AGFG1: variants seen among roughly 807,000 people sequenced by gnomAD.
AGFG1 encodes the protein arf-GAP domain and FG repeat-containing protein 1.
A neutral mutation model predicts 60.6 loss-of-function variants in AGFG1; 10 were observed. The ratio of observed to expected loss-of-function variants is 0.16; its 90% CI spans 0.10 to 0.28. The LOEUF (loss-of-function observed/expected upper bound fraction) is 0.28, where lower values mean the gene tolerates loss of function less well. Among genes scored for constraint, AGFG1 ranks in the 10% least tolerant of loss-of-function variants. AGFG1 has a pLI of 1.00. For synonymous variants in AGFG1, 247 were observed against 242.9 expected (o/e 1.02, Z -0.16); for missense variants, 537 against 676.5 (o/e 0.79, Z 2.29).
At position 227,537,001 on chromosome 2, in the gene AGFG1, A is replaced by G. The variant is rs1692334099; in HGVS notation, c.1378+8A>G. 1 of 1,609,632 alleles carries G rather than the reference A, an allele frequency of 6.2e-7. No homozygotes were observed. The highest frequency in any genetic ancestry group is 1.7e-5 in the Admixed American group (1 of 59,642). On this transcript the variant is annotated splice_region_variant and intron_variant, in intron 10 of 12. Transcript: ENST00000310078. Reference sequence around the variant, plus strand: ...ATGCCAGAGGAGCAACAGGTAAGAAAAAGAGACAGTGGAACAGTAAGTTTT... The same window carrying G: ...ATGCCAGAGGAGCAACAGGTAAGAAGAAGAGACAGTGGAACAGTAAGTTTT...
At chr2:227,513,903 G>GC (rs2106197732) in intron 2 of AGFG1, among the ~76,000 whole-genome samples, 1 of 152,172 alleles carries the variant, frequency 6.6e-6, no homozygotes, top group Non-Finnish European at 1.5e-5. Flanking sequence ...ACTTAATATG[G>GC]CACAGCCCAT....
chr2:227,478,426 T>A (rs1365605501), intron 1 of AGFG1, among the ~76,000 whole-genome samples: 1 of 152,040 alleles, frequency 6.6e-6, no homozygotes, highest in Non-Finnish European at 1.5e-5. Flanking sequence ...CACTGCAGCC[T>A]TGACCTCCCC....
intron 3 of AGFG1, 63 bp downstream of exon 3, chr2:227,520,126 G>C: frequency 1.0e-6 from 1 of 975,328 alleles, no homozygotes. Context: ...TATGGGTAAG[G>C]TTAGTCTGAC....
intron 10 of AGFG1, among the ~76,000 whole-genome samples, chr2:227,548,183 G>C (rs1239129862): frequency 1.0e-5 from 1 of 98,478 alleles, no homozygotes; most frequent in African/African-American, 3.4e-5. Context: ...TTTTAGTAGT[G>C]GTGGGGCAGC....
intron 1 of AGFG1, among the ~76,000 whole-genome samples, chr2:227,478,690 C>T (rs867410291): frequency 6.6e-6 from 1 of 152,160 alleles, no homozygotes; most frequent in African/African-American, 2.4e-5. Flanking sequence ...GCACATAAGG[C>T]TTTGAATATG....
rs921966864 is a variant in AGFG1, at chr2:227,558,500, C to G, written c.*4005C>G. ...ACAGACTCCTATTTTGTAAAGCATT[C>G]CACCTTTATTGATACAGTTTGTGGC... On this transcript the variant is annotated 3_prime_UTR_variant, in exon 13 of 13. Transcript: ENST00000310078. 6.6e-6 allele frequency: 1 copy of G among 151,942 alleles called. No homozygotes were observed. The highest frequency in any genetic ancestry group is 3.4e-3 in the Middle Eastern group (1 of 294). 9.4% of individuals were successfully genotyped at this position (151,942 alleles called of 1,614,324 possible).
chr2:227,496,778 G>T (rs929323685), intron 2 of AGFG1, among the ~76,000 whole-genome samples: 11 of 152,154 alleles, frequency 7.2e-5, no homozygotes, highest in African/African-American at 2.7e-4. Context: ...ATCTAAAGTG[G>T]TAGAAGTTAT....
intron 2 of AGFG1, among the ~76,000 whole-genome samples, chr2:227,493,924 T>G (rs1192857841): frequency 6.6e-6 from 1 of 152,166 alleles, no homozygotes; most frequent in African/African-American, 2.4e-5. Context: ...ATTTGTTGGT[T>G]TTTGAGGGTA....
intron 1 of AGFG1, among the ~76,000 whole-genome samples, chr2:227,479,437 T>TAAG (rs1182533471): frequency 6.6e-6 from 1 of 152,250 alleles, no homozygotes; most frequent in East Asian, 1.9e-4. Flanking sequence ...TGAAAAGAAT[T>TAAG]AAGACATTGT....
intron 1 of AGFG1, among the ~76,000 whole-genome samples, chr2:227,476,314 A>C (rs1038825366): frequency 6.6e-6 from 1 of 152,362 alleles, no homozygotes; most frequent in South Asian, 2.1e-4. Context: ...TATAGCCAAC[A>C]GTAAAAATGG....
Position 227,535,043 on chromosome 2 carries a change from G to T in AGFG1, c.1205+18G>T. On this transcript the variant is annotated intron_variant, in intron 8 of 12. Coordinates refer to ENST00000310078, the MANE Select transcript of AGFG1 (RefSeq NM_004504.5). Reference sequence around the variant, plus strand: ...GCTAGCAGGTACCTTGTCTTAGCTAGCCCTCCTGCTTTGTGTTTTATCTTT... The same window carrying T: ...GCTAGCAGGTACCTTGTCTTAGCTATCCCTCCTGCTTTGTGTTTTATCTTT... The T allele has an allele frequency of 6.4e-7, 1 of 1,560,244 alleles. No homozygotes were observed. Among genetic ancestry groups the T allele is most frequent in the Non-Finnish European group, 8.7e-7 (1 of 1,149,862 alleles).
chr2:227,490,111 C>T (rs550967467), intron 1 of AGFG1, among the ~76,000 whole-genome samples: 4 of 152,090 alleles, frequency 2.6e-5, no homozygotes, highest in East Asian at 1.9e-4. Context: ...CCACAGCACC[C>T]AGCCCAAAAA....
At chr2:227,489,188 C>T (rs966411486) in intron 1 of AGFG1, among the ~76,000 whole-genome samples, 1 of 145,422 alleles carries the variant, frequency 6.9e-6, no homozygotes, top group East Asian at 2.0e-4. Flanking sequence ...TTGCAAGTTA[C>T]TACTGAGGTT....
At chr2:227,508,438 A>T in intron 2 of AGFG1, 1 of 287,966 alleles carries the variant, frequency 3.5e-6, no homozygotes, top group South Asian at 3.4e-5. Context: ...CAAACAAGCT[A>T]GCCCTCTTCT....
chr2:227,530,959 G>A, intron 5 of AGFG1, 132 bp from the exon 6 acceptor site: 1 of 854,644 alleles, frequency 1.2e-6, no homozygotes, highest in Non-Finnish European at 1.7e-6. Context: ...AAATCTGATT[G>A]CTAAGTGAAT....
intron 10 of AGFG1, among the ~76,000 whole-genome samples, chr2:227,543,988 G>A (rs1027003453): frequency 3.3e-5 from 5 of 151,904 alleles, no homozygotes; most frequent in Admixed American, 2.6e-4. Context: ...TCAGAGACTA[G>A]GATTGCAACC....
At chr2:227,485,450 G>A (rs1690606463) in intron 1 of AGFG1, among the ~76,000 whole-genome samples, 1 of 149,146 alleles carries the variant, frequency 6.7e-6, no homozygotes, top group Non-Finnish European at 1.5e-5. Flanking sequence ...TCACCAGGTT[G>A]GCCAGGAACT....
chr2:227,479,577 C>G (rs757082729), intron 1 of AGFG1, among the ~76,000 whole-genome samples: 1 of 152,098 alleles, frequency 6.6e-6, no homozygotes, highest in Non-Finnish European at 1.5e-5. Context: ...TCCTTCTTTT[C>G]TGTGCAGCGT....
intron 5 of AGFG1, among the ~76,000 whole-genome samples, chr2:227,527,838 T>C (rs544149999): frequency 1.3e-5 from 2 of 152,356 alleles, no homozygotes; most frequent in East Asian, 3.9e-4. Flanking sequence ...AGTTAAATTA[T>C]GGACAAGAAA....
Sources: allele counts gnomAD v4.1 joint callset (sites outside exome capture counted in the v4.1 genomes callset), GRCh38; gene constraint gnomAD v4.1.1; transcripts MANE v1.5; gene names NCBI Gene and HGNC (gene_info 2026-07-23, HGNC 2026-07-21).